NCK1: variants seen among roughly 807,000 people sequenced by gnomAD.
The protein encoded by NCK1 is NCK adaptor protein 1.
Under a neutral mutation model 36.6 loss-of-function variants are expected in NCK1, and 19 were observed. That is an observed-to-expected ratio of 0.52 (90% confidence interval 0.36 to 0.76). The LOEUF is 0.76. Among genes scored for constraint, NCK1 ranks in the 30% least tolerant of loss-of-function variants. The pLI is 0.00. For missense variants in NCK1, 358 were observed against 445.6 expected (o/e 0.80, Z 1.77); for synonymous variants, 165 against 156.0 (o/e 1.06, Z -0.43).
At chr3:136,869,251 A>AT (rs1376512911) in intron 1 of NCK1, among the ~76,000 whole-genome samples, 1 of 151,208 alleles carries the variant, frequency 6.6e-6, no homozygotes, top group Non-Finnish European at 1.5e-5. Context: ...AAAAAAAAAA[A>AT]ATTTTATTTG....
intron 1 of NCK1, among the ~76,000 whole-genome samples, chr3:136,906,078 A>C (rs1011352683): frequency 6.6e-6 from 1 of 151,932 alleles, no homozygotes; most frequent in Admixed American, 6.6e-5. Flanking sequence ...ATTGTCTTTC[A>C]TAGGGGAGGA....
At chr3:136,916,121 C>G (rs775761257) in intron 1 of NCK1, among the ~76,000 whole-genome samples, 37 of 152,112 alleles carry the variant, frequency 2.4e-4, no homozygotes, top group Non-Finnish European at 1.2e-4. Context: ...TCCCCATGAT[C>G]CAGTCACCTC....
chr3:136,944,467 T>C (rs566409296), intron 2 of NCK1, among the ~76,000 whole-genome samples: 1 of 152,236 alleles, frequency 6.6e-6, no homozygotes, highest in African/African-American at 2.4e-5. Context: ...ATAGGAAAAT[T>C]GGACCAGTTA....
At position 136,950,876 on chromosome 3, in the gene NCK1, T is replaced by G. The variant is rs182452214; in HGVS notation, c.*2423T>G. Among the ~76,000 whole-genome samples the G allele has an allele frequency of 7.9e-5, 12 of 152,246 alleles. No individual in the cohort carries two copies. The highest frequency in any genetic ancestry group is 7.9e-4 in the Admixed American group (12 of 15,274). Reference sequence around the variant, plus strand: ...TTCTACAAATAACTTCCCCAAAATCTTAGAAGGTTTTTTAGAACATGATAT... The same window carrying G: ...TTCTACAAATAACTTCCCCAAAATCGTAGAAGGTTTTTTAGAACATGATAT... On this transcript the variant is annotated 3_prime_UTR_variant, in exon 4 of 4. Coordinates refer to ENST00000481752, the MANE Select transcript of NCK1 (RefSeq NM_001291999.2).
At chr3:136,929,003 A>G (rs568789952) in intron 2 of NCK1, among the ~76,000 whole-genome samples, 8 of 152,316 alleles carry the variant, frequency 5.3e-5, no homozygotes, top group East Asian at 3.9e-4. Context: ...GAAAAGTACA[A>G]TTTCTCCTTG....
In NCK1 at chr3:136,941,318, C is replaced by T. The variant is rs183469903; in HGVS notation, c.227-4265C>T. Among the ~76,000 whole-genome samples, 16 of 151,804 alleles carry T rather than the reference C, an allele frequency of 1.1e-4. No individual in the cohort carries two copies. The East Asian group carries it at 1.6e-3, about 15-fold the overall frequency. On this transcript the variant is annotated intron_variant, in intron 2 of 3. Coordinates refer to ENST00000481752, the MANE Select transcript of NCK1 (RefSeq NM_001291999.2). ...TTTTTTGGTATTTTTTTGGTAGAGACGAGGTCTCAGCATGTTGGCCAGGCT... is the reference window on the plus strand; with the variant it reads ...TTTTTTGGTATTTTTTTGGTAGAGATGAGGTCTCAGCATGTTGGCCAGGCT...
chr3:136,942,745 A>C (rs1358854780), intron 2 of NCK1, among the ~76,000 whole-genome samples: 1 of 151,904 alleles, frequency 6.6e-6, no homozygotes, highest in Non-Finnish European at 1.5e-5. Flanking sequence ...ATTCTTTCCC[A>C]TCCCCTTTCT....
chr3:136,907,413 C>T (rs1576968813), intron 1 of NCK1, among the ~76,000 whole-genome samples: 1 of 152,108 alleles, frequency 6.6e-6, no homozygotes, highest in East Asian at 1.9e-4. Flanking sequence ...TGGGACTTAG[C>T]GTGAGCTCTC....
intron 3 of NCK1, chr3:136,946,924 T>C (rs1302965271): frequency 1.3e-5 from 2 of 152,242 alleles, no homozygotes; most frequent in Non-Finnish European, 2.9e-5. Context: ...CATGGTCTCT[T>C]TTAGATACTG....
rs192762265 is a variant in NCK1, at chr3:136,867,097, T to C, written c.-19+4744T>C. Among the ~76,000 whole-genome samples, 86 of 25,930 alleles carry C rather than the reference T, an allele frequency of 3.3e-3. 1 individual carries two copies. The highest frequency in any genetic ancestry group is 5.3e-3 in the African/African-American group (37 of 6,996). 17.0% of individuals were successfully genotyped at this position (25,930 alleles called of 152,430 possible). A position where few individuals can be genotyped will look rare whatever the true frequency, so the allele number is the denominator to read the frequency against. On this transcript the variant is annotated intron_variant, in intron 1 of 3. Transcript: ENST00000481752. ...CTTTCTTTCTTTCTTTCTTTCTTTCTTTCTTTCTTTCTTTCTTTCTTTGTT... is the reference window on the plus strand; with the variant it reads ...CTTTCTTTCTTTCTTTCTTTCTTTCCTTCTTTCTTTCTTTCTTTCTTTGTT...
At chr3:136,881,186 CCAT>C (rs984758331) in intron 1 of NCK1, among the ~76,000 whole-genome samples, 20 of 152,164 alleles carry the variant, frequency 1.3e-4, no homozygotes, top group African/African-American at 4.8e-4. Context: ...AGTCAAGCAG[CCAT>C]CATCTCTTCA....
At chr3:136,927,911 G>GC in intron 1 of NCK1, 73 bp from the exon 2 acceptor site, 1 of 1,046,604 alleles carries the variant, frequency 9.6e-7, no homozygotes, top group South Asian at 1.5e-5. Flanking sequence ...ATTTTTAGGT[G>GC]TGTCTCTTTT....
intron 2 of NCK1, among the ~76,000 whole-genome samples, chr3:136,932,822 A>G (rs1404804303): frequency 2.0e-5 from 3 of 152,230 alleles, no homozygotes. Flanking sequence ...AAGTAGAAAC[A>G]TGGGAACAGA....
At chr3:136,928,357 T>C (rs1940300243) in intron 2 of NCK1, 130 bp downstream of exon 2, 10 of 814,744 alleles carry the variant, frequency 1.2e-5, no homozygotes, top group Non-Finnish European at 1.9e-5. Flanking sequence ...GTTTGAGTCA[T>C]AGCAGGTGGT....
intron 2 of NCK1, among the ~76,000 whole-genome samples, chr3:136,940,198 A>G (rs773327519): frequency 1.6e-4 from 24 of 152,084 alleles, no homozygotes; most frequent in Non-Finnish European, 2.4e-4. Flanking sequence ...TATATGGTCT[A>G]TCTTGCAGAA....
chr3:136,880,409 G>C (rs1048515023), intron 1 of NCK1, among the ~76,000 whole-genome samples: 1 of 152,068 alleles, frequency 6.6e-6, no homozygotes, highest in Non-Finnish European at 1.5e-5. Context: ...AAAAGGGAGA[G>C]ATTTTGACAC....
At chr3:136,877,576 A>G (rs150836795) in intron 1 of NCK1, among the ~76,000 whole-genome samples, 51 of 152,340 alleles carry the variant, frequency 3.3e-4, no homozygotes, top group African/African-American at 1.1e-3. Flanking sequence ...AGTGAAAGAC[A>G]CATTTACTTT....
intron 1 of NCK1, among the ~76,000 whole-genome samples, chr3:136,891,031 T>G (rs1251445435): frequency 6.6e-6 from 1 of 152,254 alleles, no homozygotes; most frequent in African/African-American, 2.4e-5. Flanking sequence ...TATAGTGTCT[T>G]CAAGGTTTAT....
chr3:136,944,286 T>G (rs1275527300), intron 2 of NCK1, among the ~76,000 whole-genome samples: 1 of 151,798 alleles, frequency 6.6e-6, no homozygotes, highest in Non-Finnish European at 1.5e-5. Context: ...ACCCAGCTAA[T>G]TTTTGTATTT....
Sources: gnomAD v4.1 joint callset for allele counts (sites outside exome capture counted in the v4.1 genomes callset) on GRCh38, gnomAD v4.1.1 for gene constraint, MANE v1.5 for transcripts, NCBI Gene and HGNC (gene_info 2026-07-23, HGNC 2026-07-21) for gene names.